Variants in HGD observed in about 807,000 individuals in gnomAD.
HGD encodes homogentisate 1,2-dioxygenase.
A neutral mutation model predicts 60.8 loss-of-function variants in HGD; 61 were observed. That is an observed-to-expected ratio of 1.00 (90% confidence interval 0.82 to 1.24). The LOEUF (loss-of-function observed/expected upper bound fraction) is 1.24, where lower values mean the gene tolerates loss of function less well. HGD is among the 50% of genes most tolerant of loss of function. The pLI is 0.00. For missense variants in HGD, 542 were observed against 547.1 expected, an observed-to-expected ratio of 0.99 and a Z score of 0.09; for synonymous variants, 212 against 187.7, an observed-to-expected ratio of 1.13 and a Z score of -1.06.
At chr3:120,679,551 A>T (rs1708195705) in intron 1 of HGD, among the ~76,000 whole-genome samples, 1 of 152,188 alleles carries the variant, frequency 6.6e-6, no homozygotes, top group Non-Finnish European at 1.5e-5. Flanking sequence ...ACTTTTGCAT[A>T]TATAATTAAG....
intron 13 of HGD, 122 bp from the exon 14 acceptor site, chr3:120,628,651 G>T: frequency 1.7e-6 from 2 of 1,166,654 alleles, no homozygotes; most frequent in South Asian, 1.3e-5. Flanking sequence ...AAAGATTTGT[G>T]TGCTAGAGTG....
chr3:120,644,960 G>A (rs1384897279), intron 9 of HGD, among the ~76,000 whole-genome samples: 1 of 152,200 alleles, frequency 6.6e-6, no homozygotes, highest in African/African-American at 2.4e-5. Flanking sequence ...TGCCACTCAG[G>A]AAGAAGTATT....
At chr3:120,654,735 G>C (rs1559792380) in intron 4 of HGD, among the ~76,000 whole-genome samples, 1 of 152,220 alleles carries the variant, frequency 6.6e-6, no homozygotes, top group Non-Finnish European at 1.5e-5. Context: ...TGCCTGGTTT[G>C]TTGTACTGGG....
intron 4 of HGD, among the ~76,000 whole-genome samples, chr3:120,668,328 C>T (rs1309858489): frequency 2.0e-5 from 3 of 152,208 alleles, no homozygotes; most frequent in African/African-American, 2.4e-5. Flanking sequence ...ATGCTTATTT[C>T]GCTGAGATTT....
chr3:120,640,326 G>T (rs1391217953), intron 11 of HGD, among the ~76,000 whole-genome samples: 3 of 152,062 alleles, frequency 2.0e-5, no homozygotes, highest in Non-Finnish European at 4.4e-5. Flanking sequence ...ACATCAAAGT[G>T]CACAGAGATT....
intron 6 of HGD, among the ~76,000 whole-genome samples, chr3:120,650,322 T>C (rs1298443799): frequency 6.6e-6 from 1 of 152,248 alleles, no homozygotes; most frequent in Non-Finnish European, 1.5e-5. Flanking sequence ...CTCCCTAAAA[T>C]GTATAAAACC....
intron 6 of HGD, among the ~76,000 whole-genome samples, chr3:120,649,139 C>CTTTTTTTTTTTTTTTTTTT (rs10572267): frequency 1.1e-5 from 1 of 94,422 alleles, no homozygotes; most frequent in Non-Finnish European, 2.1e-5. Context: ...TCTTCTTTTT[C>CTTTTTTTTTTTTTTTTTTT]TTTTTTTTTT....
chr3:120,649,377 T>G (rs1430643950), intron 6 of HGD, among the ~76,000 whole-genome samples: 1 of 151,960 alleles, frequency 6.6e-6, no homozygotes, highest in Non-Finnish European at 1.5e-5. Flanking sequence ...GCTCCTGACC[T>G]CGTGATCCGC....
intron 9 of HGD, among the ~76,000 whole-genome samples, chr3:120,645,832 T>A (rs941239930): frequency 3.9e-5 from 6 of 152,214 alleles, no homozygotes; most frequent in Non-Finnish European, 8.8e-5. Context: ...ATCTTCCTCC[T>A]AATCACAAAG....
intron 4 of HGD, among the ~76,000 whole-genome samples, chr3:120,657,740 G>A (rs1374616009): frequency 6.6e-6 from 1 of 152,104 alleles, no homozygotes; most frequent in Non-Finnish European, 1.5e-5. Context: ...CTCAGTTTCT[G>A]AGGAGGCGTC....
intron 1 of HGD, among the ~76,000 whole-genome samples, chr3:120,678,423 G>A (rs1708172892): frequency 6.6e-6 from 1 of 152,194 alleles, no homozygotes; most frequent in Non-Finnish European, 1.5e-5. Flanking sequence ...AGGAAGGAAG[G>A]CTGGAGTACA....
chr3:120,650,921 G>T lies in HGD; in HGVS notation c.343-56C>A, dbSNP rs140029197. On this transcript the variant is annotated intron_variant, in intron 5 of 13. Coordinates refer to ENST00000283871, the MANE Select transcript of HGD (RefSeq NM_000187.4). ...TAATGTGAACGGTGCCCAAGAGGCAGCCCTTCCACTGGTCCCTGAGGGTCA... is the reference window on the plus strand; with the variant it reads ...TAATGTGAACGGTGCCCAAGAGGCATCCCTTCCACTGGTCCCTGAGGGTCA... The T allele has an allele frequency of 3.2e-3, 4,167 of 1,314,564 alleles. 10 individuals are homozygous for T. Among genetic ancestry groups the T allele is most frequent in the Non-Finnish European group, 4.0e-3 (3,585 of 906,456 alleles). 81.4% of individuals were successfully genotyped at this position (1,314,564 alleles called of 1,614,324 possible). A position where few individuals can be genotyped will look rare whatever the true frequency, so the allele number is the denominator to read the frequency against.
Position 120,650,848 on chromosome 3 carries a change from A to C in HGD, c.360T>G (p.Cys120Trp), listed in dbSNP as rs149165166. The C allele has an allele frequency of 1.9e-5, 31 of 1,613,874 alleles. 1 individual carries two copies. Among genetic ancestry groups the C allele is most frequent in the African/African-American group, 4.0e-5 (3 of 74,930 alleles). ...TGTTAGACTTTATGTCTCCAGCTCC[A>C]CACAAGGTATGCAGGCCCTGGGAGA... ...VDFVSGLHTLCGAGDIKSNNG... is the reference protein window; with the variant it reads ...VDFVSGLHTLWGAGDIKSNNG... Residue 120 changes from cysteine to tryptophan, a missense_variant, in exon 6 of 14, where the codon TGT (cysteine) becomes TGG (tryptophan). Coordinates refer to ENST00000283871, the MANE Select transcript of HGD (RefSeq NM_000187.4).
intron 11 of HGD, among the ~76,000 whole-genome samples, chr3:120,641,341 A>G (rs947053149): frequency 8.5e-5 from 13 of 152,202 alleles, no homozygotes; most frequent in Non-Finnish European, 1.0e-4. Context: ...AGTTTGGCAA[A>G]TACAAGTCAG....
intron 4 of HGD, among the ~76,000 whole-genome samples, chr3:120,655,643 A>C (rs1368497196): frequency 1.3e-5 from 2 of 152,216 alleles, no homozygotes; most frequent in African/African-American, 4.8e-5. Context: ...GCAGAGGATT[A>C]ATAGGAAGAG....
chr3:120,673,883 A>T (rs1179728139), intron 3 of HGD, among the ~76,000 whole-genome samples: 1 of 152,206 alleles, frequency 6.6e-6, no homozygotes, highest in Non-Finnish European at 1.5e-5. Flanking sequence ...TACCATAATT[A>T]TCTTTGTTTT....
Position 120,647,002 on chromosome 3 carries a change from C to G in HGD, c.520G>C (p.Val174Leu). The G allele has an allele frequency of 6.2e-7, 1 of 1,614,052 alleles. No individual in the cohort carries two copies. Among genetic ancestry groups the G allele is most frequent in the Non-Finnish European group, 8.5e-7 (1 of 1,179,918 alleles). ...LIYTEFGKML[V>L]QPNEICVIQR... is the part of the protein sequence containing the mutation. Reference sequence around the variant, plus strand: ...ATGACGCAGATCTCATTGGGCTGTACAAGCATCTTGCCAAACTCGGTGTAA... The same window carrying G: ...ATGACGCAGATCTCATTGGGCTGTAGAAGCATCTTGCCAAACTCGGTGTAA... The change falls in exon 8 of 14, where the codon GTA (valine) becomes CTA (leucine). Residue 174 changes from valine to leucine, a missense_variant. By Grantham distance (32) the Val-to-Leu change is conservative (BLOSUM62 1). Around this residue, in one of 2 missense-constraint regions of HGD, gnomAD observed 537 missense variants for 529.1 expected, o/e 1.01. Transcript: ENST00000283871.
chr3:120,651,684 T>A (rs566001274), intron 5 of HGD, among the ~76,000 whole-genome samples: 1 of 152,274 alleles, frequency 6.6e-6, no homozygotes, highest in African/African-American at 2.4e-5. Context: ...CTGAGGCTGG[T>A]CTGCAGAACC....
At chr3:120,654,285 T>C (rs147118267) in intron 4 of HGD, among the ~76,000 whole-genome samples, 1 of 152,330 alleles carries the variant, frequency 6.6e-6, no homozygotes, top group African/African-American at 2.4e-5. Context: ...CTTTTAGCTC[T>C]ATCCAGAGAT....
Sources: allele counts gnomAD v4.1 joint callset (sites outside exome capture counted in the v4.1 genomes callset), GRCh38; gene constraint gnomAD v4.1.1; regional missense constraint gnomAD v4.1.1; transcripts MANE v1.5; gene names NCBI Gene and HGNC (gene_info 2026-07-23, HGNC 2026-07-21).